Variants in DPP6 observed in about 807,000 individuals in gnomAD.
The protein encoded by DPP6 is dipeptidyl peptidase like 6.
DPP6 carries 69 observed loss-of-function variants against 122.6 expected under a neutral mutation model. The observed-to-expected ratio is 0.56, with a 90% confidence interval of 0.46 to 0.69. The LOEUF (loss-of-function observed/expected upper bound fraction) is 0.69. Ranked by LOEUF, DPP6 falls within the 30% of genes least tolerant of loss-of-function variation. The pLI is 0.00. For synonymous variants in DPP6, 418 were observed against 433.1 expected, an observed-to-expected ratio of 0.97 and a Z score of 0.43; for missense variants, 928 against 1,116.9, an observed-to-expected ratio of 0.83 and a Z score of 2.41.
chr7:154,824,255 G>A (rs201833725), intron 16 of DPP6, among the ~76,000 whole-genome samples: 1 of 50,956 alleles, frequency 2.0e-5, no homozygotes, highest in African/African-American at 6.2e-5. Context: ...TGTTTTTGTT[G>A]TTGTTGTTGT....
At chr7:154,169,965 C>T (rs1444969932) in intron 1 of DPP6, among the ~76,000 whole-genome samples, 1 of 152,108 alleles carries the variant, frequency 6.6e-6, no homozygotes, top group Non-Finnish European at 1.5e-5. Context: ...CTCAGGTGAT[C>T]CACCCACCTC....
intron 16 of DPP6, among the ~76,000 whole-genome samples, chr7:154,816,616 CAT>C (rs35198639): frequency 0.79 from 119,602 of 151,898 alleles, 47,330 homozygotes; most frequent in Non-Finnish European, 0.84. Flanking sequence ...TGTTAACTAT[CAT>C]AATTGTTTTC....
intron 5 of DPP6, among the ~76,000 whole-genome samples, chr7:154,592,370 C>T (rs1050145470): frequency 6.6e-6 from 1 of 152,232 alleles, no homozygotes; most frequent in African/African-American, 2.4e-5. Flanking sequence ...TTTTGATTCC[C>T]TCCTGCCAAT....
At chr7:154,056,476 C>T (rs1563139675) in intron 1 of DPP6, among the ~76,000 whole-genome samples, 1 of 152,080 alleles carries the variant, frequency 6.6e-6, no homozygotes, top group Non-Finnish European at 1.5e-5. Context: ...CCTGCTTGAA[C>T]ATTTCTTTTT....
chr7:154,727,942 A>T, intron 8 of DPP6, 55 bp downstream of exon 8: 2 of 1,512,354 alleles, frequency 1.3e-6, no homozygotes, highest in Non-Finnish European at 1.8e-6. Flanking sequence ...CTGCTGCTAC[A>T]TTGGAGTTGG....
chr7:154,023,782 T>C (rs1798836400), intron 1 of DPP6, among the ~76,000 whole-genome samples: 1 of 152,204 alleles, frequency 6.6e-6, no homozygotes, highest in South Asian at 2.1e-4. Flanking sequence ...GCCTCTGGTC[T>C]GCCTTTAGAT....
chr7:154,205,784 A>T (rs1242141651), intron 1 of DPP6, among the ~76,000 whole-genome samples: 1 of 143,042 alleles, frequency 7.0e-6, no homozygotes, highest in African/African-American at 2.8e-5. Context: ...AAAAAAAAAA[A>T]TTAATTAATT....
At chr7:153,847,647 T>C in the DPP6 span, among the ~76,000 whole-genome samples, 2 of 152,204 alleles carry the variant, frequency 1.3e-5, no homozygotes, top group Non-Finnish European at 2.9e-5. Context: ...ATGGACCTTA[T>C]AGAATTTTAG....
At chr7:153,781,595 A>G in the DPP6 span, among the ~76,000 whole-genome samples, 1 of 152,122 alleles carries the variant, frequency 6.6e-6, no homozygotes, top group East Asian at 1.9e-4. Flanking sequence ...TTTTCTGCTC[A>G]TCTTAGGAGA....
chr7:154,745,990 T>C (rs1296440459), intron 8 of DPP6, among the ~76,000 whole-genome samples: 2 of 152,206 alleles, frequency 1.3e-5, no homozygotes, highest in Non-Finnish European at 2.9e-5. Flanking sequence ...GCAGGGCATA[T>C]AGCATTGGCA....
At chr7:154,182,236 G>C (rs940470528) in intron 1 of DPP6, among the ~76,000 whole-genome samples, 6 of 152,140 alleles carry the variant, frequency 3.9e-5, no homozygotes, top group African/African-American at 1.4e-4. Context: ...ATTGCTAAGG[G>C]GGACAGAAAT....
chr7:153,886,986 C>A (rs1384203728), upstream of DPP6: 1 of 151,840 alleles, frequency 6.6e-6, no homozygotes, highest in African/African-American at 2.4e-5. Context: ...CAGTCCAGCG[C>A]GGAGTGGGCG....
chr7:154,150,686 G>A (rs1796366228), intron 1 of DPP6, among the ~76,000 whole-genome samples: 1 of 152,216 alleles, frequency 6.6e-6, no homozygotes, highest in South Asian at 2.1e-4. Flanking sequence ...CCATTCCCAG[G>A]CCTGAGAGCG....
intron 1 of DPP6, among the ~76,000 whole-genome samples, chr7:153,914,196 C>T (rs1396881374): frequency 6.6e-6 from 1 of 152,120 alleles, no homozygotes; most frequent in African/African-American, 2.4e-5. Context: ...GCAGAGTTTC[C>T]CTGCACAAGT....
At chr7:154,851,507 C>T (rs1463228515) in intron 16 of DPP6, among the ~76,000 whole-genome samples, 1 of 152,082 alleles carries the variant, frequency 6.6e-6, no homozygotes. Flanking sequence ...TTGAGCTCCC[C>T]ATGGGGGGGA....
At chr7:154,640,701 G>T (rs1364631447) in intron 6 of DPP6, among the ~76,000 whole-genome samples, 3 of 152,156 alleles carry the variant, frequency 2.0e-5, no homozygotes, top group Admixed American at 1.3e-4. Flanking sequence ...ACAGCCCGGA[G>T]CTCTAAGTCT....
At chr7:154,419,485 T>C (rs78430772) in intron 1 of DPP6, among the ~76,000 whole-genome samples, 8,969 of 152,300 alleles carry the variant, frequency 0.059, 842 homozygotes, top group African/African-American at 0.2. Flanking sequence ...ACAAGTCCTG[T>C]GCAGAATGCG....
intron 16 of DPP6, among the ~76,000 whole-genome samples, chr7:154,843,676 T>G (rs532495269): frequency 6.6e-6 from 1 of 152,348 alleles, no homozygotes; most frequent in African/African-American, 2.4e-5. Flanking sequence ...GCTGCTGTTG[T>G]TTTTGCTGAA....
intron 1 of DPP6, among the ~76,000 whole-genome samples, chr7:154,155,726 T>A (rs773634781): frequency 1.3e-5 from 2 of 152,220 alleles, no homozygotes; most frequent in Non-Finnish European, 2.9e-5. Context: ...AGTTTCAGAA[T>A]GTGTCTGATC....
Sources: gnomAD v4.1 joint callset for allele counts (sites outside exome capture counted in the v4.1 genomes callset) on GRCh38, gnomAD v4.1.1 for gene constraint, MANE v1.5 for transcripts, NCBI Gene and HGNC (gene_info 2026-07-23, HGNC 2026-07-21) for gene names.